CTNNA2: variants seen among roughly 807,000 people sequenced by gnomAD.
CTNNA2 encodes the protein catenin alpha-2.
In CTNNA2, 42 loss-of-function variants were observed where a neutral mutation model predicts 101.0. The ratio of observed to expected loss-of-function variants is 0.42; its 90% CI spans 0.32 to 0.54. The LOEUF is 0.54. Among genes scored for constraint, CTNNA2 ranks in the 20% least tolerant of loss-of-function variants. The pLI is 0.14. For missense variants in CTNNA2, 871 were observed against 1,223.1 expected (o/e 0.71, Z 4.29); for synonymous variants, 450 against 456.4 (o/e 0.99, Z 0.18).
At chr2:80,253,836 C>T (rs1358797074) in intron 7 of CTNNA2, among the ~76,000 whole-genome samples, 1 of 152,078 alleles carries the variant, frequency 6.6e-6, no homozygotes, top group Non-Finnish European at 1.5e-5. Context: ...CCACTTTGGG[C>T]CTCTTTCTCC....
At chr2:79,533,508 C>T (rs1030839397) in intron 1 of CTNNA2, among the ~76,000 whole-genome samples, 6 of 152,042 alleles carry the variant, frequency 3.9e-5, no homozygotes, top group Admixed American at 1.3e-4. Context: ...GAAAAAAACA[C>T]ACTGAGTTCC....
At chr2:79,384,112 C>T (rs1335525671) in intron 4 of CTNNA2, among the ~76,000 whole-genome samples, 1 of 152,080 alleles carries the variant, frequency 6.6e-6, no homozygotes, top group Non-Finnish European at 1.5e-5. Context: ...ACTTAGCTTC[C>T]CAACCTCCCC....
intron 1 of CTNNA2, among the ~76,000 whole-genome samples, chr2:79,626,115 A>G (rs1298967829): frequency 1.3e-5 from 2 of 152,186 alleles, no homozygotes; most frequent in Non-Finnish European, 2.9e-5. Flanking sequence ...GAGCTACATC[A>G]TCTTTTATGT....
intron 6 of CTNNA2, among the ~76,000 whole-genome samples, chr2:79,878,149 T>A (rs1358843616): frequency 6.6e-6 from 1 of 152,210 alleles, no homozygotes; most frequent in Non-Finnish European, 1.5e-5. Flanking sequence ...CATGATATTA[T>A]TCCTTCTTAT....
intron 4 of CTNNA2, among the ~76,000 whole-genome samples, chr2:79,422,201 C>G (rs1490536713): frequency 6.6e-6 from 1 of 152,000 alleles, no homozygotes; most frequent in African/African-American, 2.4e-5. Context: ...TATAGGTGTG[C>G]ATGCATTCTA....
chr2:79,392,749 C>T (rs1275786012), intron 4 of CTNNA2, among the ~76,000 whole-genome samples: 2 of 152,156 alleles, frequency 1.3e-5, no homozygotes, highest in Non-Finnish European at 2.9e-5. Flanking sequence ...CCCCAACTTT[C>T]ATGTTGACTT....
chr2:80,010,042 G>T (rs1359876764), intron 7 of CTNNA2, among the ~76,000 whole-genome samples: 3 of 151,488 alleles, frequency 2.0e-5, no homozygotes, highest in Non-Finnish European at 4.4e-5. Context: ...AGAATTAAAT[G>T]TGATTAATGT....
chr2:80,209,596 CACACAG>C (rs1382174715), intron 7 of CTNNA2, among the ~76,000 whole-genome samples: 32 of 151,550 alleles, frequency 2.1e-4, no homozygotes, highest in African/African-American at 6.1e-4. Flanking sequence ...CATTCTCATA[CACACAG>C]ACACACACAC....
chr2:79,628,397 G>A (rs1410376335), intron 1 of CTNNA2, among the ~76,000 whole-genome samples: 1 of 150,908 alleles, frequency 6.6e-6, no homozygotes, highest in Non-Finnish European at 1.5e-5. Flanking sequence ...AGGTTGCAGT[G>A]AACCGAGGTA....
chr2:80,035,408 G>A (rs1345398888), intron 7 of CTNNA2, among the ~76,000 whole-genome samples: 1 of 152,132 alleles, frequency 6.6e-6, no homozygotes, highest in Non-Finnish European at 1.5e-5. Flanking sequence ...CACTTAGCAA[G>A]GTATTTGGTT....
chr2:79,735,726 A>G (rs1177810695), intron 2 of CTNNA2, among the ~76,000 whole-genome samples: 2 of 152,184 alleles, frequency 1.3e-5, no homozygotes, highest in East Asian at 3.8e-4. Flanking sequence ...GTTCAGTCCT[A>G]TCTTAGATAA....
chr2:79,298,050 C>T (rs6744025), intron 2 of CTNNA2, among the ~76,000 whole-genome samples: 42,788 of 152,050 alleles, frequency 0.28, 9,043 homozygotes, highest in African/African-American at 0.6. Flanking sequence ...CATGTCTTGG[C>T]CCATTTTGCA....
intron 7 of CTNNA2, among the ~76,000 whole-genome samples, chr2:80,249,616 AGGT>A (rs1472086825): frequency 4.6e-5 from 7 of 152,210 alleles, no homozygotes; most frequent in African/African-American, 1.4e-4. Context: ...TGGGTTTGAT[AGGT>A]GGCTCACGGT....
At chr2:80,084,281 C>G (rs1573028078) in intron 7 of CTNNA2, among the ~76,000 whole-genome samples, 2 of 152,148 alleles carry the variant, frequency 1.3e-5, no homozygotes, top group Non-Finnish European at 2.9e-5. Flanking sequence ...AGAAATACCA[C>G]CCAGTGCTGG....
chr2:79,974,656 T>A (rs1690711857), intron 7 of CTNNA2, among the ~76,000 whole-genome samples: 1 of 152,140 alleles, frequency 6.6e-6, no homozygotes, highest in African/African-American at 2.4e-5. Context: ...AGAGCAGATA[T>A]AGGTTGAAGG....
At chr2:79,854,872 TATTTC>T (rs1394019384) in intron 3 of CTNNA2, among the ~76,000 whole-genome samples, 1 of 152,194 alleles carries the variant, frequency 6.6e-6, no homozygotes, top group Non-Finnish European at 1.5e-5. Flanking sequence ...CTTAGCGAAA[TATTTC>T]AATCTTATAG....
chr2:79,996,079 A>G (rs1316953262), intron 7 of CTNNA2, among the ~76,000 whole-genome samples: 1 of 152,184 alleles, frequency 6.6e-6, no homozygotes, highest in East Asian at 1.9e-4. Flanking sequence ...GTTAAGTAGG[A>G]GGTGTTGAGA....
intron 1 of CTNNA2, among the ~76,000 whole-genome samples, chr2:79,556,876 A>T (rs549563452): frequency 6.6e-6 from 1 of 152,032 alleles, no homozygotes; most frequent in Non-Finnish European, 1.5e-5. Flanking sequence ...GTTTTAAAAC[A>T]TAGGAAATAA....
At chr2:79,593,639 C>G (rs1310140957) in intron 1 of CTNNA2, among the ~76,000 whole-genome samples, 6 of 152,082 alleles carry the variant, frequency 3.9e-5, no homozygotes, top group South Asian at 2.1e-4. Flanking sequence ...ATTTGACTCT[C>G]TCTCTTGCAG....
Sources: gnomAD v4.1 joint callset for allele counts (sites outside exome capture counted in the v4.1 genomes callset) on GRCh38, gnomAD v4.1.1 for gene constraint, MANE v1.5 for transcripts, NCBI Gene and HGNC (gene_info 2026-07-23, HGNC 2026-07-21) for gene names.